MB21D2: variants seen among roughly 807,000 people sequenced by gnomAD.
MB21D2 encodes Mab-21 domain containing 2.
MB21D2 carries 9 observed loss-of-function variants against 33.3 expected under a neutral mutation model. The ratio of observed to expected loss-of-function variants is 0.27; its 90% CI spans 0.16 to 0.47. The LOEUF is 0.47. Among genes scored for constraint, MB21D2 ranks in the 20% least tolerant of loss-of-function variants. The pLI is 0.99. For missense variants in MB21D2, 540 were observed against 624.6 expected, an observed-to-expected ratio of 0.86 and a Z score of 1.44; for synonymous variants, 241 against 236.3, an observed-to-expected ratio of 1.02 and a Z score of -0.18.
intron 1 of MB21D2, among the ~76,000 whole-genome samples, chr3:192,813,681 A>T (rs1449850279): frequency 2.6e-5 from 4 of 152,194 alleles, no homozygotes; most frequent in Non-Finnish European, 5.9e-5. Flanking sequence ...CAAGATGAGT[A>T]TACAAAGTAT....
chr3:192,871,347 T>C (rs1713292058), intron 1 of MB21D2, among the ~76,000 whole-genome samples: 2 of 152,212 alleles, frequency 1.3e-5, no homozygotes, highest in South Asian at 4.1e-4. Flanking sequence ...AGATTACTTA[T>C]GCCAAAAATG....
intron 1 of MB21D2, among the ~76,000 whole-genome samples, chr3:192,911,946 A>G (rs1032534680): frequency 2.0e-5 from 3 of 152,234 alleles, no homozygotes; most frequent in Non-Finnish European, 4.4e-5. Context: ...GGAGGCCCAT[A>G]AAACACCAAC....
chr3:192,829,744 T>C lies in MB21D2; in HGVS notation c.212-30094A>G, dbSNP rs192768373. Among the ~76,000 whole-genome samples, 86 of 152,332 alleles carry C rather than the reference T, an allele frequency of 5.6e-4. No individual in the cohort carries two copies. The East Asian group carries it at 0.012, about 21-fold the overall frequency. The stretch of plus-strand genomic sequence containing the variant: ...GTATGTATGGTGTATCTATAAATAT[T>C]GAGACAGGATCTCGCTCTGTTTCCC... On this transcript the variant is annotated intron_variant, in intron 1 of 1. Transcript: ENST00000392452.
At chr3:192,895,217 T>G (rs1713940211) in intron 1 of MB21D2, among the ~76,000 whole-genome samples, 1 of 152,158 alleles carries the variant, frequency 6.6e-6, no homozygotes, top group South Asian at 2.1e-4. Context: ...CACCAGCAGG[T>G]GCCCAACCCA....
At chr3:192,897,443 GAT>G (rs1714003956) in intron 1 of MB21D2, among the ~76,000 whole-genome samples, 1 of 152,160 alleles carries the variant, frequency 6.6e-6, no homozygotes. Flanking sequence ...CTTGCCATAA[GAT>G]AGAGATTAGT....
At chr3:192,825,971 A>C (rs1454248809) in intron 1 of MB21D2, among the ~76,000 whole-genome samples, 1 of 152,176 alleles carries the variant, frequency 6.6e-6, no homozygotes, top group Non-Finnish European at 1.5e-5. Flanking sequence ...TAAATAACCT[A>C]CACAAGGGGA....
In MB21D2 at chr3:192,917,803, G is replaced by A; in HGVS notation, c.38C>T (p.Ser13Phe). The change falls in exon 1 of 2, where the codon TCC becomes TTC. Residue 13 changes from serine (S) to phenylalanine (F), a missense_variant. Ser to Phe is a radical substitution (Grantham distance 155, BLOSUM62 -2). Transcript: ENST00000392452. ...CGCAGGCTTGTTGTTACAGCCCAGGGAGGCTGCCTTGTTGGCGGTGGGAGC... is the reference window on the plus strand; with the variant it reads ...CGCAGGCTTGTTGTTACAGCCCAGGAAGGCTGCCTTGTTGGCGGTGGGAGC... Reference protein sequence around the residue: ...MAAPTANKAASLGCNNKPAFP... With the variant: ...MAAPTANKAAFLGCNNKPAFP... 6.2e-7 allele frequency: 1 copy of A among 1,612,446 alleles called. No individual in the cohort carries two copies. The highest frequency in any genetic ancestry group is 8.5e-7 in the Non-Finnish European group (1 of 1,179,498).
rs559826504 is a variant in MB21D2, at chr3:192,838,680, G to A, written c.212-39030C>T. Among the ~76,000 whole-genome samples the A allele has an allele frequency of 2.1e-3, 327 of 152,122 alleles. 1 individual carries two copies. The highest frequency in any genetic ancestry group is 5.0e-3 in the South Asian group (24 of 4,814). ...CCTGACCTCGTGATCTGCCCACCTC[G>A]GCCTCCCAAAGTGCTGGGATTACAG... On this transcript the variant is annotated intron_variant, in intron 1 of 1. Coordinates refer to ENST00000392452, the MANE Select transcript of MB21D2 (RefSeq NM_178496.4).
chr3:192,809,210 C>T (rs567837353), intron 1 of MB21D2, among the ~76,000 whole-genome samples: 1 of 152,174 alleles, frequency 6.6e-6, no homozygotes, highest in Non-Finnish European at 1.5e-5. Flanking sequence ...ATTCTCCTGT[C>T]TCAGCCTCCC....
At chr3:192,900,474 C>G (rs11716375) in intron 1 of MB21D2, among the ~76,000 whole-genome samples, 80,177 of 151,736 alleles carry the variant, frequency 0.53, 21,379 homozygotes, top group Admixed American at 0.54. Context: ...TCAACAGGGT[C>G]AAGTTGGAGA....
At chr3:192,906,210 G>A (rs188636855) in intron 1 of MB21D2, among the ~76,000 whole-genome samples, 78 of 152,166 alleles carry the variant, frequency 5.1e-4, no homozygotes, top group South Asian at 8.3e-4. Context: ...ATCACATGGC[G>A]ACAGAGGGCC....
intron 1 of MB21D2, among the ~76,000 whole-genome samples, chr3:192,913,573 C>T (rs1714400149): frequency 6.6e-6 from 1 of 151,838 alleles, no homozygotes; most frequent in African/African-American, 2.4e-5. Context: ...CCTGTAATAC[C>T]AGCACTTTGG....
intron 1 of MB21D2, among the ~76,000 whole-genome samples, chr3:192,832,556 C>T (rs1162789589): frequency 5.9e-5 from 9 of 152,316 alleles, no homozygotes; most frequent in Admixed American, 5.9e-4. Flanking sequence ...CCTTGAGAGG[C>T]TGAGGCGGGC....
intron 1 of MB21D2, among the ~76,000 whole-genome samples, chr3:192,901,071 T>A (rs2367139): frequency 0.53 from 80,240 of 151,732 alleles, 21,399 homozygotes; most frequent in Admixed American, 0.54. Context: ...AAGGCAGAGA[T>A]AATACCCAGG....
chr3:192,902,198 G>A (rs979135114), intron 1 of MB21D2, among the ~76,000 whole-genome samples: 1 of 152,164 alleles, frequency 6.6e-6, no homozygotes, highest in Non-Finnish European at 1.5e-5. Flanking sequence ...GCTTTCAGGA[G>A]ATCAAAACCA....
intron 1 of MB21D2, among the ~76,000 whole-genome samples, chr3:192,830,387 C>T (rs576942292): frequency 1.3e-5 from 2 of 152,172 alleles, no homozygotes; most frequent in South Asian, 4.1e-4. Context: ...TCCGCACCCC[C>T]ACCCCCTGCA....
At chr3:192,899,936 G>A (rs929433557) in intron 1 of MB21D2, among the ~76,000 whole-genome samples, 1 of 146,460 alleles carries the variant, frequency 6.8e-6, no homozygotes, top group Non-Finnish European at 1.5e-5. Context: ...CAAAGAGGCA[G>A]TCAAGAGGTC....
intron 1 of MB21D2, among the ~76,000 whole-genome samples, chr3:192,876,192 C>T (rs2108640347): frequency 6.6e-6 from 1 of 152,316 alleles, no homozygotes; most frequent in African/African-American, 2.4e-5. Flanking sequence ...TCAGCAGCCC[C>T]AGTGCCAAAA....
intron 1 of MB21D2, among the ~76,000 whole-genome samples, chr3:192,861,545 G>A (rs377411809): frequency 3.9e-5 from 6 of 152,160 alleles, no homozygotes; most frequent in African/African-American, 9.7e-5. Flanking sequence ...GGTGGCTCAC[G>A]CCTGTAATCC....
Sources: gnomAD v4.1 joint callset for allele counts (sites outside exome capture counted in the v4.1 genomes callset) on GRCh38, gnomAD v4.1.1 for gene constraint, MANE v1.5 for transcripts, NCBI Gene and HGNC (gene_info 2026-07-23, HGNC 2026-07-21) for gene names.